The following ACMSD variants were observed in gnomAD, a reference collection of about 807,000 sequenced individuals.
ACMSD encodes aminocarboxymuconate semialdehyde decarboxylase, also known as 2-amino-3-carboxymuconate-6-semialdehyde decarboxylase.
A neutral mutation model predicts 45.9 loss-of-function variants in ACMSD; 37 were observed. That is an observed-to-expected ratio of 0.81 (90% CI 0.62 to 1.06). The LOEUF (loss-of-function observed/expected upper bound fraction) is 1.06, where lower values mean the gene tolerates loss of function less well. ACMSD is among the 50% of genes least tolerant of loss of function. The probability of loss-of-function intolerance (pLI) is 0.00; values close to 1 mark genes in which losing one functional copy is unlikely to be tolerated. For missense variants in ACMSD, 434 were observed against 420.9 expected (o/e 1.03, Z -0.27); for synonymous variants, 138 against 148.8 (o/e 0.93, Z 0.53).
chr2:134,887,282 T>C (rs1360732648), intron 8 of ACMSD, among the ~76,000 whole-genome samples: 1 of 152,182 alleles, frequency 6.6e-6, no homozygotes, highest in Non-Finnish European at 1.5e-5. Context: ...GTTAAAAACT[T>C]GCATTAACTG....
In ACMSD at chr2:134,872,550, T is replaced by G; in HGVS notation, c.758T>G (p.Met253Arg). ...GATCTGTGTGCCCAGGACAACCCCA[T>G]GAACCCGAAGAAATACCTTGGTTCC... Reference protein sequence around the residue: ...RPDLCAQDNPMNPKKYLGSFY... With the variant: ...RPDLCAQDNPRNPKKYLGSFY... Residue 253 changes from methionine to arginine, a missense_variant, in exon 8 of 10, where the codon ATG (methionine) becomes AGG (arginine). Coordinates refer to ENST00000356140, the MANE Select transcript of ACMSD (RefSeq NM_138326.3). 2 of 1,614,164 alleles carry G rather than the reference T, an allele frequency of 1.2e-6. No individual in the cohort carries two copies. The highest frequency in any genetic ancestry group is 1.7e-6 in the Non-Finnish European group (2 of 1,180,016).
At chr2:134,880,699 C>T (rs1688991531) in intron 8 of ACMSD, among the ~76,000 whole-genome samples, 1 of 151,962 alleles carries the variant, frequency 6.6e-6, no homozygotes, top group Non-Finnish European at 1.5e-5. Flanking sequence ...TGCAAGTCTT[C>T]CTCCAGGTGG....
In ACMSD at chr2:134,867,821, G is replaced by A. The variant is rs186472993; in HGVS notation, c.580+149G>A. ...CTATCACTTACTGAGCTCTTACTTGGATTAATGCTATATATATATATATAA... is the reference window on the plus strand; with the variant it reads ...CTATCACTTACTGAGCTCTTACTTGAATTAATGCTATATATATATATATAA... On this transcript the variant is annotated intron_variant, in intron 6 of 9. Transcript: ENST00000356140. The A allele has an allele frequency of 1.4e-3, 731 of 524,704 alleles. 9 individuals are homozygous for A. In the Middle Eastern group the frequency reaches 0.027, roughly 20 times the overall value. 32.5% of individuals were successfully genotyped at this position (524,704 alleles called of 1,614,324 possible).
chr2:134,887,849 C>T (rs1355123092), intron 8 of ACMSD, among the ~76,000 whole-genome samples: 2 of 152,122 alleles, frequency 1.3e-5, no homozygotes, highest in African/African-American at 4.8e-5. Context: ...CTATCTCATA[C>T]CAGCCATACA....
chr2:134,853,033 C>T (rs1374610877), intron 2 of ACMSD, among the ~76,000 whole-genome samples: 2 of 151,768 alleles, frequency 1.3e-5, no homozygotes, highest in East Asian at 1.9e-4. Flanking sequence ...TGTGGTGGCA[C>T]GCGCCTGTAA....
At chr2:134,870,860 G>C in intron 6 of ACMSD, 105 bp from the exon 7 acceptor site, 1 of 906,696 alleles carries the variant, frequency 1.1e-6, no homozygotes, top group Non-Finnish European at 1.7e-6. Context: ...CAGGGTACAA[G>C]GGCCTCAAGT....
intron 8 of ACMSD, among the ~76,000 whole-genome samples, chr2:134,889,909 TA>T (rs1293263539): frequency 6.6e-6 from 1 of 151,966 alleles, no homozygotes; most frequent in East Asian, 1.9e-4. Context: ...ATGATATAAA[TA>T]AAAAGAATGA....
At chr2:134,885,316 TATAA>T (rs1479694930) in intron 8 of ACMSD, among the ~76,000 whole-genome samples, 8 of 103,080 alleles carry the variant, frequency 7.8e-5, no homozygotes, top group African/African-American at 2.1e-4. Flanking sequence ...AATATATATA[TATAA>T]ATATATATGT....
At chr2:134,877,827 G>A (rs754887485) in intron 8 of ACMSD, among the ~76,000 whole-genome samples, 10 of 152,134 alleles carry the variant, frequency 6.6e-5, no homozygotes, top group Non-Finnish European at 1.0e-4. Context: ...TTAGAAGCAC[G>A]TCATTTAATC....
At chr2:134,845,493 G>T (rs1403080919) in intron 2 of ACMSD, among the ~76,000 whole-genome samples, 4 of 144,814 alleles carry the variant, frequency 2.8e-5, no homozygotes, top group African/African-American at 1.0e-4. Flanking sequence ...ATTGGAATTT[G>T]AGAACACATT....
intron 8 of ACMSD, among the ~76,000 whole-genome samples, chr2:134,885,307 AT>A: frequency 1.4e-5 from 1 of 71,626 alleles, no homozygotes; most frequent in South Asian, 5.7e-4. Context: ...ATATATTTAA[AT>A]ATATATATAT....
At chr2:134,842,241 G>A (rs934283351) in intron 1 of ACMSD, among the ~76,000 whole-genome samples, 1 of 152,260 alleles carries the variant, frequency 6.6e-6, no homozygotes, top group African/African-American at 2.4e-5. Context: ...AACCTAGGAT[G>A]AGAACTGCGG....
At chr2:134,881,617 A>C (rs1213392270) in intron 8 of ACMSD, among the ~76,000 whole-genome samples, 1 of 152,234 alleles carries the variant, frequency 6.6e-6, no homozygotes, top group Non-Finnish European at 1.5e-5. Context: ...AAAGTGATTT[A>C]TCATTAAAGA....
chr2:134,893,691 A>C (rs1689927229), intron 8 of ACMSD, among the ~76,000 whole-genome samples: 1 of 152,208 alleles, frequency 6.6e-6, no homozygotes, highest in African/African-American at 2.4e-5. Context: ...AAAGTACTAA[A>C]AGAAAGAAGA....
chr2:134,853,095 GGAGATTGCAGTGAGCC>G (rs975250654), intron 2 of ACMSD, among the ~76,000 whole-genome samples: 12 of 150,700 alleles, frequency 8.0e-5, no homozygotes, highest in African/African-American at 2.9e-4. Flanking sequence ...CCCAGGAGGC[GGAGATTGCAGTGAGCC>G]GAGATCGCAC....
chr2:134,871,358 C>T (rs566210096), intron 7 of ACMSD, among the ~76,000 whole-genome samples: 1 of 152,246 alleles, frequency 6.6e-6, no homozygotes, highest in South Asian at 2.1e-4. Context: ...CCTTAAAGGT[C>T]CTTTCTCCAA....
At chr2:134,887,121 T>C (rs970437303) in intron 8 of ACMSD, among the ~76,000 whole-genome samples, 8 of 152,246 alleles carry the variant, frequency 5.3e-5, no homozygotes, top group Non-Finnish European at 2.9e-5. Context: ...ATCATGTTTA[T>C]GGATCAGAGA....
intron 8 of ACMSD, among the ~76,000 whole-genome samples, chr2:134,885,350 A>T (rs1689323163): frequency 3.0e-5 from 3 of 101,150 alleles, no homozygotes; most frequent in Non-Finnish European, 5.2e-5. Context: ...TTTATATATA[A>T]TATATATTTA....
At chr2:134,890,049 A>G (rs995023487) in intron 8 of ACMSD, among the ~76,000 whole-genome samples, 2 of 152,114 alleles carry the variant, frequency 1.3e-5, no homozygotes, top group African/African-American at 4.8e-5. Context: ...ACTGAATGAT[A>G]ATACCAGTGG....
Sources: gnomAD v4.1 joint callset for allele counts (sites outside exome capture counted in the v4.1 genomes callset) on GRCh38, gnomAD v4.1.1 for gene constraint, MANE v1.5 for transcripts, NCBI Gene and HGNC (gene_info 2026-07-23, HGNC 2026-07-21) for gene names.